The following CBLN2 variants were observed in gnomAD, a reference collection of about 807,000 sequenced individuals.
The protein encoded by CBLN2 is cerebellin-2.
CBLN2 carries 7 observed loss-of-function variants against 15.0 expected under a neutral mutation model. That is an observed-to-expected ratio of 0.47 (90% CI 0.27 to 0.88). CBLN2 has a LOEUF of 0.88. CBLN2 is among the 40% of genes least tolerant of loss of function. The probability of loss-of-function intolerance (pLI) is 0.14; values close to 1 mark genes in which losing one functional copy is unlikely to be tolerated. For missense variants in CBLN2, 242 were observed against 304.5 expected (o/e 0.79, Z 1.53); for synonymous variants, 149 against 135.2 (o/e 1.10, Z -0.71).
chr18:72,601,681 A>T (rs959671508), intron 1 of CBLN2, among the ~76,000 whole-genome samples: 2 of 151,898 alleles, frequency 1.3e-5, no homozygotes, highest in African/African-American at 4.8e-5. Context: ...ACTGAAGTAA[A>T]TTCCTTCCTT....
chr18:72,630,547 C>CCA (rs774909309), intron 1 of CBLN2, among the ~76,000 whole-genome samples: 37 of 106,848 alleles, frequency 3.5e-4, no homozygotes, highest in African/African-American at 6.1e-4. Context: ...ACCCTCCCCC[C>CCA]CACACACACA....
intron 1 of CBLN2, among the ~76,000 whole-genome samples, chr18:72,555,364 T>C (rs1245294150): frequency 6.6e-6 from 1 of 151,850 alleles, no homozygotes; most frequent in African/African-American, 2.4e-5. Context: ...AACTAGATAG[T>C]TTTTGAGGGG....
intron 1 of CBLN2, among the ~76,000 whole-genome samples, chr18:72,614,391 GTAA>G (rs999810291): frequency 5.0e-4 from 76 of 152,116 alleles, no homozygotes; most frequent in African/African-American, 1.7e-3. Flanking sequence ...AGTTCATCAG[GTAA>G]TAATGTTATT....
In CBLN2 at chr18:72,543,774, G is replaced by A. The variant is rs2069136640; in HGVS notation, c.-212+203C>T. Among the ~76,000 whole-genome samples, 1 of 151,850 alleles carries A rather than the reference G, an allele frequency of 6.6e-6. No individual in the cohort carries two copies. The highest frequency in any genetic ancestry group is 1.5e-5 in the Non-Finnish European group (1 of 67,926). On this transcript the variant is annotated intron_variant, in intron 1 of 4. Coordinates refer to ENST00000269503, the MANE Select transcript of CBLN2 (RefSeq NM_182511.4). This position sits in a 1 kb window ranked among gnomAD's most constrained non-coding sequence, Gnocchi z 6.8. ...TGCGCCCAGGTGCCTCCAACCCCTG[G>A]GCTTCGCGCCCGCACCGCTGCCTGG...
chr18:72,557,854 G>A (rs192109093), intron 1 of CBLN2, among the ~76,000 whole-genome samples: 34 of 152,270 alleles, frequency 2.2e-4, no homozygotes, highest in Non-Finnish European at 4.7e-4. Context: ...AGCCACCACG[G>A]CACATGTTTA....
At chr18:72,593,191 T>G (rs1190454326) in intron 1 of CBLN2, among the ~76,000 whole-genome samples, 2 of 152,144 alleles carry the variant, frequency 1.3e-5, no homozygotes, top group Non-Finnish European at 2.9e-5. Flanking sequence ...GCTTTCATTG[T>G]AGAGATCTTC....
rs936235000 is a variant in CBLN2 at position 72,625,284 on chromosome 18, T to C, written c.15+13041A>G. 6 of 152,072 alleles carry C rather than the reference T, an allele frequency of 3.9e-5. No individual in the cohort carries two copies. In the East Asian group the frequency reaches 1.2e-3, roughly 29 times the overall value. The allele number at this position is 152,072 out of a possible 1,614,324, so 9.4% of individuals were successfully genotyped here. A position where few individuals can be genotyped will look rare whatever the true frequency, so the allele number is the denominator to read the frequency against. ...TGTGTATTTCATGCTAAGTTTCATG[T>C]CTTTGTCCAGTTAACTCTGAGAGTA... On this transcript the variant is annotated intron_variant, in intron 1 of 2. Transcript: ENST00000581073.
intron 1 of CBLN2, among the ~76,000 whole-genome samples, chr18:72,622,261 T>C (rs1034023729): frequency 6.6e-6 from 1 of 152,120 alleles, no homozygotes; most frequent in Non-Finnish European, 1.5e-5. Flanking sequence ...TGCATGTCCT[T>C]GTCAAAAGAA....
At chr18:72,597,573 G>T (rs1336217928) in intron 1 of CBLN2, among the ~76,000 whole-genome samples, 1 of 152,168 alleles carries the variant, frequency 6.6e-6, no homozygotes, top group South Asian at 2.1e-4. Flanking sequence ...AAGGCCCAAG[G>T]TGTCTATAAT....
chr18:72,608,903 A>T (rs1266275269), intron 1 of CBLN2, among the ~76,000 whole-genome samples: 1 of 152,158 alleles, frequency 6.6e-6, no homozygotes, highest in Admixed American at 6.5e-5. Context: ...CAGGCAAGGG[A>T]GCTTGTGCAG....
upstream of CBLN2, chr18:72,544,504 C>A (rs1417487388): frequency 6.6e-6 from 1 of 152,224 alleles, no homozygotes; most frequent in African/African-American, 2.4e-5. Context: ...GGCCTCCCTG[C>A]CGCAGGCTGC....
intron 1 of CBLN2, among the ~76,000 whole-genome samples, chr18:72,627,339 G>A (rs2144974713): frequency 6.6e-6 from 1 of 152,306 alleles, no homozygotes; most frequent in Non-Finnish European, 1.5e-5. Context: ...AAAAGGAAAT[G>A]TGTCAGAAAA....
intron 1 of CBLN2, among the ~76,000 whole-genome samples, chr18:72,562,686 C>G (rs1163217389): frequency 6.6e-6 from 1 of 152,170 alleles, no homozygotes; most frequent in Admixed American, 6.5e-5. Context: ...TCTTTGGAAA[C>G]AGACAATAGT....
Position 72,543,344 on chromosome 18 carries a change from T to C in CBLN2, c.-167+142A>G, listed in dbSNP as rs2069132769. 4 of 391,072 alleles carry C rather than the reference T, an allele frequency of 1.0e-5. No individual in the cohort carries two copies. The Admixed American group carries it at 1.3e-4, about 13-fold the overall frequency. 24.2% of individuals were successfully genotyped at this position (391,072 alleles called of 1,614,324 possible). A position where few individuals can be genotyped will look rare whatever the true frequency, so the allele number is the denominator to read the frequency against. ...AAGTTGGCTCTTGATAAATATCCGCTGTCCGCAGCCCCGATCCTACATGAT... is the reference window on the plus strand; with the variant it reads ...AAGTTGGCTCTTGATAAATATCCGCCGTCCGCAGCCCCGATCCTACATGAT... On this transcript the variant is annotated intron_variant, in intron 2 of 4. Coordinates refer to ENST00000269503, the MANE Select transcript of CBLN2 (RefSeq NM_182511.4). The surrounding 1 kb of genome is among the most constrained non-coding windows in gnomAD (Gnocchi z 6.8).
Position 72,541,807 on chromosome 18 carries a change from G to A in CBLN2, c.354C>T (p.Asp118=). The change falls in exon 3 of 5, where the codon GAC becomes GAT. Residue 118 remains aspartate, a synonymous_variant. Coordinates refer to ENST00000269503, the MANE Select transcript of CBLN2 (RefSeq NM_182511.4). ...MSNRTMTIYF[D]QVLVNIGNHF... ...GGTGGGCAGGCCGACGGCTGACCTG[G>A]TCGAAATAGATGGTCATGGTGCGGT... is the stretch of plus-strand genomic sequence containing the variant. 1.3e-6 allele frequency: 2 copies of A among 1,553,180 alleles called. No individual in the cohort carries two copies. Among genetic ancestry groups the A allele is most frequent in the Non-Finnish European group, 1.7e-6 (2 of 1,150,518 alleles).
rs1292307003 is a variant in CBLN2 at position 72,537,747 on chromosome 18, A to G, written c.*429T>C. ...ACAGAACACATGTCAAGGACTGTCC[A>G]GCAGGTGGTTCTTTGCTGGGCTCCT... On this transcript the variant is annotated 3_prime_UTR_variant, in exon 5 of 5. Coordinates refer to ENST00000269503, the MANE Select transcript of CBLN2 (RefSeq NM_182511.4). 7.6e-6 allele frequency: 2 copies of G among 261,804 alleles called. No homozygotes were observed. The highest frequency in any genetic ancestry group is 1.5e-5 in the Non-Finnish European group (2 of 134,670). The allele number at this position is 261,804 out of a possible 1,614,324, so 16.2% of individuals were successfully genotyped here.
chr18:72,630,690 T>C (rs1231166148), intron 1 of CBLN2, among the ~76,000 whole-genome samples: 1 of 152,144 alleles, frequency 6.6e-6, no homozygotes, highest in Non-Finnish European at 1.5e-5. Flanking sequence ...ATGAAACCTC[T>C]TGATTTGTAG....
At chr18:72,597,085 G>A (rs995083721) in intron 1 of CBLN2, among the ~76,000 whole-genome samples, 2 of 152,016 alleles carry the variant, frequency 1.3e-5, no homozygotes, top group African/African-American at 4.8e-5. Context: ...TCTAAATCTG[G>A]TCAATGTTCA....
chr18:72,600,431 C>G (rs146928698), intron 1 of CBLN2, among the ~76,000 whole-genome samples: 2 of 152,062 alleles, frequency 1.3e-5, no homozygotes, highest in Non-Finnish European at 2.9e-5. Flanking sequence ...ATAAACACTA[C>G]GGGAATTTGG....
Sources: gnomAD v4.1 joint callset for allele counts (sites outside exome capture counted in the v4.1 genomes callset) on GRCh38, gnomAD v4.1.1 for gene constraint, Gnocchi (gnomAD v3.1) non-coding constraint, MANE v1.5 for transcripts, NCBI Gene and HGNC (gene_info 2026-07-23, HGNC 2026-07-21) for gene names.